The following RASAL2 variants were observed in gnomAD, a reference collection of about 807,000 sequenced individuals.
The protein encoded by RASAL2 is ras GTPase-activating protein nGAP.
Under a neutral mutation model 128.9 loss-of-function variants are expected in RASAL2, and 58 were observed. That is an observed-to-expected ratio of 0.45 (90% CI 0.36 to 0.56). The LOEUF is 0.56. RASAL2 is among the 20% of genes least tolerant of loss of function. The pLI, the probability that RASAL2 is intolerant of heterozygous loss-of-function variation, is 0.00. For synonymous variants in RASAL2, 561 were observed against 580.8 expected (o/e 0.97, Z 0.49); for missense variants, 1,360 against 1,601.6 (o/e 0.85, Z 2.57).
At chr1:178,123,559 T>C (rs1245819809) in intron 1 of RASAL2, among the ~76,000 whole-genome samples, 1 of 152,240 alleles carries the variant, frequency 6.6e-6, no homozygotes, top group East Asian at 1.9e-4. Flanking sequence ...ACTTGCTTTG[T>C]GGTCCCCACT....
intron 3 of RASAL2, among the ~76,000 whole-genome samples, chr1:178,344,528 G>A (rs1339521137): frequency 1.3e-5 from 2 of 152,178 alleles, no homozygotes; most frequent in African/African-American, 4.8e-5. Flanking sequence ...ACACGATTGT[G>A]TTTGCCCTTC....
At chr1:178,235,145 T>C (rs1193442985) in intron 1 of RASAL2, among the ~76,000 whole-genome samples, 2 of 152,222 alleles carry the variant, frequency 1.3e-5, no homozygotes, top group East Asian at 1.9e-4. Context: ...GATACTTGTA[T>C]GTCTGTTTCC....
chr1:178,404,198 C>G (rs368128196), intron 4 of RASAL2, among the ~76,000 whole-genome samples: 3 of 144,042 alleles, frequency 2.1e-5, no homozygotes, highest in African/African-American at 7.8e-5. Flanking sequence ...TGCACTCCAG[C>G]TGAGGCTACA....
At chr1:178,156,471 G>A (rs1661087244) in intron 1 of RASAL2, among the ~76,000 whole-genome samples, 1 of 152,098 alleles carries the variant, frequency 6.6e-6, no homozygotes, top group African/African-American at 2.4e-5. Flanking sequence ...ATATGACACT[G>A]GTTGTTATAA....
At chr1:178,095,849 A>T (rs1658660895) in intron 1 of RASAL2, among the ~76,000 whole-genome samples, 2 of 152,142 alleles carry the variant, frequency 1.3e-5, no homozygotes, top group South Asian at 4.1e-4. Context: ...ATCGAGTCAC[A>T]TTTTTGGCTT....
chr1:178,104,341 C>A (rs1056458310), intron 1 of RASAL2, among the ~76,000 whole-genome samples: 1 of 152,090 alleles, frequency 6.6e-6, no homozygotes, highest in Non-Finnish European at 1.5e-5. Flanking sequence ...TGTTTATATT[C>A]ATGTGCCAGT....
chr1:178,253,894 G>A (rs985543455), intron 1 of RASAL2, among the ~76,000 whole-genome samples: 21 of 152,150 alleles, frequency 1.4e-4, no homozygotes, highest in Non-Finnish European at 1.9e-4. Flanking sequence ...GGATATGATG[G>A]CTTAGCTTGG....
intron 1 of RASAL2, among the ~76,000 whole-genome samples, chr1:178,241,575 A>C (rs1025239170): frequency 1.2e-4 from 18 of 152,182 alleles, no homozygotes; most frequent in Middle Eastern, 3.2e-3. Context: ...ATCCATCTTT[A>C]ATTTAACTAG....
chr1:178,362,456 C>G (rs1671172769), intron 3 of RASAL2, among the ~76,000 whole-genome samples: 1 of 151,060 alleles, frequency 6.6e-6, no homozygotes, highest in African/African-American at 2.4e-5. Context: ...CTCCTTCCTT[C>G]TCTCCCTCCC....
intron 17 of RASAL2, among the ~76,000 whole-genome samples, chr1:178,468,693 T>C (rs982586807): frequency 6.6e-6 from 1 of 152,184 alleles, no homozygotes; most frequent in Non-Finnish European, 1.5e-5. Context: ...AGAAGAAAGG[T>C]CTGTAGTAAT....
At chr1:178,282,056 G>C (rs1666807071) in intron 1 of RASAL2, among the ~76,000 whole-genome samples, 1 of 152,162 alleles carries the variant, frequency 6.6e-6, no homozygotes, top group African/African-American at 2.4e-5. Flanking sequence ...GTAGGGGAGA[G>C]AGGGTTGGTG....
chr1:178,264,239 G>C (rs932092274), intron 1 of RASAL2, among the ~76,000 whole-genome samples: 9 of 152,182 alleles, frequency 5.9e-5, no homozygotes, highest in African/African-American at 1.7e-4. Flanking sequence ...CGTTGCCTCA[G>C]CTAGTTTCTG....
chr1:178,107,082 TCAA>T (rs143307462), intron 1 of RASAL2, among the ~76,000 whole-genome samples: 4,286 of 152,234 alleles, frequency 0.028, 74 homozygotes, highest in East Asian at 0.087. Context: ...TTTTTTTCTG[TCAA>T]CAAACTTATT....
At chr1:178,287,351 G>A (rs1667076060) in intron 2 of RASAL2, among the ~76,000 whole-genome samples, 3 of 151,664 alleles carry the variant, frequency 2.0e-5, no homozygotes, top group African/African-American at 7.3e-5. Flanking sequence ...TCCTGGACTA[G>A]TGCTTCACAT....
At chr1:178,303,660 T>C (rs1316858916) in intron 3 of RASAL2, among the ~76,000 whole-genome samples, 1 of 151,964 alleles carries the variant, frequency 6.6e-6, no homozygotes, top group African/African-American at 2.4e-5. Flanking sequence ...GATTAAGAAT[T>C]CTGTCAATCA....
intron 1 of RASAL2, among the ~76,000 whole-genome samples, chr1:178,155,743 A>G (rs1661064661): frequency 6.6e-6 from 1 of 151,722 alleles, no homozygotes; most frequent in African/African-American, 2.4e-5. Flanking sequence ...TTTACCACAG[A>G]TGACTGTCAG....
Position 178,146,814 on chromosome 1 carries a change from A to G in RASAL2, c.202+52120A>G, listed in dbSNP as rs149883975. Among the ~76,000 whole-genome samples the G allele has an allele frequency of 3.5e-3, 536 of 152,354 alleles. 3 individuals carry two copies. Among genetic ancestry groups the G allele is most frequent in the Non-Finnish European group, 5.1e-3 (349 of 68,038 alleles). On this transcript the variant is annotated intron_variant, in intron 1 of 17. Coordinates refer to ENST00000367649, the MANE Select transcript of RASAL2 (RefSeq NM_170692.4). ...CCATACCATTATTTCTTCAACTATT[A>G]AAAGCTATTAATTTTCACTGTGATG...
intron 1 of RASAL2, among the ~76,000 whole-genome samples, chr1:178,112,423 G>C (rs1351665849): frequency 6.6e-6 from 1 of 151,912 alleles, no homozygotes; most frequent in Non-Finnish European, 1.5e-5. Flanking sequence ...GGTGGTGTGT[G>C]CCTGTAATCT....
At chr1:178,402,816 G>A (rs952971331) in intron 4 of RASAL2, among the ~76,000 whole-genome samples, 9 of 151,962 alleles carry the variant, frequency 5.9e-5, no homozygotes, top group Non-Finnish European at 1.2e-4. Context: ...TCCTAGAAAT[G>A]AGAGATGGAA....
Sources: gnomAD v4.1 joint callset for allele counts (sites outside exome capture counted in the v4.1 genomes callset) on GRCh38, gnomAD v4.1.1 for gene constraint, MANE v1.5 for transcripts, NCBI Gene and HGNC (gene_info 2026-07-23, HGNC 2026-07-21) for gene names.